Variants in PCNX4 observed in about 807,000 individuals in gnomAD.
The protein encoded by PCNX4 is pecanex-like protein 4.
In PCNX4, 103 loss-of-function variants were observed where a neutral mutation model predicts 107.2. The ratio of observed to expected loss-of-function variants is 0.96; its 90% CI spans 0.82 to 1.13. The LOEUF (loss-of-function observed/expected upper bound fraction) is 1.13. PCNX4 is among the 50% of genes most tolerant of loss of function. PCNX4 has a pLI of 0.00. For missense variants in PCNX4, 1,528 were observed against 1,379.4 expected, an observed-to-expected ratio of 1.11 and a Z score of -1.71; for synonymous variants, 541 against 481.7, an observed-to-expected ratio of 1.12 and a Z score of -1.61.
chr14:60,115,592 TTTG>T, intron 4 of PCNX4, 124 bp from the exon 5 acceptor site: 5 of 1,370,048 alleles, frequency 3.6e-6, no homozygotes, highest in Non-Finnish European at 4.9e-6. Flanking sequence ...GTTATGGTTT[TTTG>T]TTTATTGGCT....
chr14:60,130,353 A>C (rs1004597212), intron 10 of PCNX4, among the ~76,000 whole-genome samples: 2 of 150,862 alleles, frequency 1.3e-5, no homozygotes, highest in African/African-American at 4.9e-5. Flanking sequence ...CCACATGATC[A>C]TCTCGGTAGA....
At chr14:60,122,238 C>A (rs60038002) in intron 8 of PCNX4, among the ~76,000 whole-genome samples, 3,420 of 152,230 alleles carry the variant, frequency 0.022, 51 homozygotes, top group Middle Eastern at 0.048. Context: ...CTATGTGCCC[C>A]TACAGTATAC....
chr14:60,132,446 G>A (rs1896171468), intron 10 of PCNX4, among the ~76,000 whole-genome samples: 1 of 151,578 alleles, frequency 6.6e-6, no homozygotes, highest in Non-Finnish European at 1.5e-5. Flanking sequence ...TTTATATACG[G>A]TATTTTTAAA....
rs562155713 is a variant in PCNX4, at chr14:60,124,531, A to G, written c.2360A>G (p.Asn787Ser). 5.0e-6 allele frequency: 8 copies of G among 1,613,796 alleles called. No homozygotes were observed. In the South Asian group the frequency reaches 7.7e-5, roughly 16 times the overall value. Residue 787 changes from asparagine (N) to serine (S), a missense_variant, in exon 9 of 11, where the codon AAT becomes AGT. Coordinates refer to ENST00000406854, the MANE Select transcript of PCNX4 (RefSeq NM_001330177.2). ...GMKENVHNTE[N>S]KGKAPLMLPA... ...AAAGAGAATGTTCACAACACTGAAA[A>G]TAAAGGGAAAGCACCTCTAATGTTG...
At position 60,144,973 on chromosome 14, in the gene PCNX4, T is replaced by C. The variant is rs1017440304; in HGVS notation, c.*10752T>C. 13 of 1,605,016 alleles carry C rather than the reference T, an allele frequency of 8.1e-6. No individual in the cohort carries two copies. The highest frequency in any genetic ancestry group is 1.1e-5 in the Non-Finnish European group (13 of 1,177,218). Reference sequence around the variant, plus strand: ...AAAGTACAGGTGCTCTTTTCAGTCATGTTTTGTCTTAAAGATTTTAAAATA... The same window carrying C: ...AAAGTACAGGTGCTCTTTTCAGTCACGTTTTGTCTTAAAGATTTTAAAATA... On this transcript the variant is annotated 3_prime_UTR_variant, in exon 11 of 11. Transcript: ENST00000406854.
chr14:60,106,669 C>G (rs1318363545), intron 1 of PCNX4, among the ~76,000 whole-genome samples: 1 of 152,212 alleles, frequency 6.6e-6, no homozygotes, highest in Non-Finnish European at 1.5e-5. Flanking sequence ...GACCCCCAAA[C>G]TTTGCATGCT....
intron 10 of PCNX4, among the ~76,000 whole-genome samples, chr14:60,133,243 A>G (rs1264534005): frequency 1.3e-5 from 2 of 152,244 alleles, no homozygotes; most frequent in Non-Finnish European, 2.9e-5. Flanking sequence ...ATATGATGGA[A>G]TATTATTCTG....
In PCNX4 at chr14:60,147,247, T is replaced by A. The variant is rs1387581539; in HGVS notation, c.*13026T>A. ...GAGACCCTGTCTCAAAGAAAAAAAA[T>A]GGTAGATATTTTCAGTTATAAGATA... On this transcript the variant is annotated 3_prime_UTR_variant, in exon 11 of 11. Coordinates refer to ENST00000406854, the MANE Select transcript of PCNX4 (RefSeq NM_001330177.2). 2.6e-5 allele frequency: 4 copies of A among 151,852 alleles called. No homozygotes were observed. The highest frequency in any genetic ancestry group is 9.7e-5 in the African/African-American group (4 of 41,320). The allele number at this position is 151,852 out of a possible 1,614,324, so 9.4% of individuals were successfully genotyped here.
Position 60,135,098 on chromosome 14 carries a change from T to C in PCNX4, c.*877T>C, listed in dbSNP as rs2140572466. 6.6e-6 allele frequency: 1 copy of C among 152,308 alleles called. No individual in the cohort carries two copies. Among genetic ancestry groups the C allele is most frequent in the African/African-American group, 2.4e-5 (1 of 41,578 alleles). 9.4% of individuals were successfully genotyped at this position (152,308 alleles called of 1,614,324 possible). A position where few individuals can be genotyped will look rare whatever the true frequency, so the allele number is the denominator to read the frequency against. On this transcript the variant is annotated 3_prime_UTR_variant, in exon 11 of 11. Coordinates refer to ENST00000406854, the MANE Select transcript of PCNX4 (RefSeq NM_001330177.2). Reference sequence around the variant, plus strand: ...TTCATTCTCTTCTTGCTTAGGAACGTTTTACAGATACATGTAAGGGGGATT... The same window carrying C: ...TTCATTCTCTTCTTGCTTAGGAACGCTTTACAGATACATGTAAGGGGGATT...
At chr14:60,114,427 A>G (rs1323454555) in intron 2 of PCNX4, among the ~76,000 whole-genome samples, 2 of 152,220 alleles carry the variant, frequency 1.3e-5, no homozygotes, top group African/African-American at 2.4e-5. Context: ...GCTTTTAATT[A>G]CTTCCTCCTC....
chr14:60,120,324 C>T (rs962889782), intron 7 of PCNX4, among the ~76,000 whole-genome samples: 2 of 152,114 alleles, frequency 1.3e-5, no homozygotes, highest in Non-Finnish European at 2.9e-5. Context: ...GTCATGCAGG[C>T]GCTGTCTGCC....
intron 4 of PCNX4, 56 bp from the exon 5 acceptor site, chr14:60,115,663 T>A: frequency 5.4e-6 from 8 of 1,468,404 alleles, no homozygotes; most frequent in Non-Finnish European, 5.6e-6. Context: ...GAATAAAATA[T>A]GGTAGAAGGA....
Position 60,107,924 on chromosome 14 carries a change from A to G in PCNX4, c.286A>G (p.Asn96Asp), listed in dbSNP as rs763203336. 1 of 1,612,890 alleles carries G rather than the reference A, an allele frequency of 6.2e-7. No individual in the cohort carries two copies. Among genetic ancestry groups the G allele is most frequent in the Admixed American group, 1.7e-5 (1 of 60,032 alleles). The change falls in exon 2 of 11, where the codon AAC becomes GAC. Residue 96 changes from asparagine to aspartate, a missense_variant. Transcript: ENST00000406854. ...CCAGTTCACAAGTTTATACGCCAAA[A>G]ACAAATCAACAACAGTAGAAAGAAT... ...VIQFTSLYAK[N>D]KSTTVERILT...
rs1595182563 is a variant in PCNX4 at position 60,134,834 on chromosome 14, A to T, written c.*613A>T. ...CAAATATCCTTCTAATATATGTGAAAGGAGCGGGGTTCATCCCATTCATCA... is the reference window on the plus strand; with the variant it reads ...CAAATATCCTTCTAATATATGTGAATGGAGCGGGGTTCATCCCATTCATCA... On this transcript the variant is annotated 3_prime_UTR_variant, in exon 11 of 11. Coordinates refer to ENST00000406854, the MANE Select transcript of PCNX4 (RefSeq NM_001330177.2). 1 of 152,414 alleles carries T rather than the reference A, an allele frequency of 6.6e-6. No homozygotes were observed. The highest frequency in any genetic ancestry group is 1.9e-4 in the East Asian group (1 of 5,202). The allele number at this position is 152,414 out of a possible 1,614,324, so 9.4% of individuals were successfully genotyped here.
intron 10 of PCNX4, chr14:60,133,510 T>G (rs1896191310): frequency 2.8e-6 from 1 of 360,852 alleles, no homozygotes; most frequent in African/African-American, 2.2e-5. Flanking sequence ...AACTTAACTG[T>G]GGTGATGGTT....
At chr14:60,112,426 A>T (rs1469056001) in intron 2 of PCNX4, among the ~76,000 whole-genome samples, 1 of 152,164 alleles carries the variant, frequency 6.6e-6, no homozygotes, top group Non-Finnish European at 1.5e-5. Context: ...AATTATCAGA[A>T]GTATTATAAT....
Position 60,134,330 on chromosome 14 carries a change from T to G in PCNX4, c.*109T>G. The G allele has an allele frequency of 7.4e-7, 1 of 1,360,014 alleles. No homozygotes were observed. Among genetic ancestry groups the G allele is most frequent in the Non-Finnish European group, 1.0e-6 (1 of 988,648 alleles). 84.2% of individuals were successfully genotyped at this position (1,360,014 alleles called of 1,614,324 possible). On this transcript the variant is annotated 3_prime_UTR_variant, in exon 11 of 11. Transcript: ENST00000406854. ...GGACTTCTCCACACCCCCATTCAGATGCCTGAGAACAGCTAAGCTCCGTAA... is the reference window on the plus strand; with the variant it reads ...GGACTTCTCCACACCCCCATTCAGAGGCCTGAGAACAGCTAAGCTCCGTAA...
chr14:60,114,774 T>C lies in PCNX4; in HGVS notation c.764T>C (p.Leu255Pro), dbSNP rs770123227. 7.4e-6 allele frequency: 12 copies of C among 1,613,826 alleles called. No homozygotes were observed. In the East Asian group the frequency reaches 2.0e-4, roughly 27 times the overall value. Residue 255 changes from leucine to proline, a missense_variant, in exon 3 of 11, where the codon CTG becomes CCG. Physicochemically the swap from Leu to Pro is moderately conservative, Grantham distance 98. Transcript: ENST00000406854. ...LHILFVFLPFLWALGTLPPPD... is the reference protein window; with the variant it reads ...LHILFVFLPFPWALGTLPPPD... ...ATCTTGTTTGTATTTTTACCCTTTC[T>C]GTGGGCACTTGGGACTCTGCCCCCA...
chr14:60,146,290 TAAACA>T lies in PCNX4; in HGVS notation c.*12078_*12082del, dbSNP rs949205201. The T allele has an allele frequency of 6.6e-6, 1 of 152,132 alleles. No individual in the cohort carries two copies. 9.4% of individuals were successfully genotyped at this position (152,132 alleles called of 1,614,324 possible). A position where few individuals can be genotyped will look rare whatever the true frequency, so the allele number is the denominator to read the frequency against. On this transcript the variant is annotated 3_prime_UTR_variant, in exon 11 of 11. Transcript: ENST00000406854. The surrounding 1 kb of genome is among the most constrained non-coding windows in gnomAD (Gnocchi z 4.9). Reference sequence around the variant, plus strand: ...TTATATTTTACAGTTAGATATTCTCTAAACAAAACAAAATATCCTTCATATGGACA... The same window carrying T: ...TTATATTTTACAGTTAGATATTCTCTAAACAAAATATCCTTCATATGGACA...
Sources: gnomAD v4.1 joint callset for allele counts (sites outside exome capture counted in the v4.1 genomes callset) on GRCh38, gnomAD v4.1.1 for gene constraint, Gnocchi (gnomAD v3.1) non-coding constraint, MANE v1.5 for transcripts, NCBI Gene and HGNC (gene_info 2026-07-23, HGNC 2026-07-21) for gene names.